The following PSTPIP2 variants were observed in gnomAD, a reference collection of about 807,000 sequenced individuals.
PSTPIP2 encodes proline-serine-threonine phosphatase interacting protein 2.
PSTPIP2 carries 33 observed loss-of-function variants against 63.3 expected under a neutral mutation model. The observed-to-expected ratio is 0.52, with a 90% CI of 0.40 to 0.70. The LOEUF is 0.70. Ranked by LOEUF, PSTPIP2 falls within the 30% of genes least tolerant of loss-of-function variation. PSTPIP2 has a pLI of 0.00. For synonymous variants in PSTPIP2, 125 were observed against 132.7 expected, an observed-to-expected ratio of 0.94 and a Z score of 0.40; for missense variants, 312 against 400.7, an observed-to-expected ratio of 0.78 and a Z score of 1.89.
chr18:46,066,757 C>T lies in PSTPIP2; in HGVS notation c.33+5399G>A, dbSNP rs139231463. Among the ~76,000 whole-genome samples, 511 of 152,334 alleles carry T rather than the reference C, an allele frequency of 3.4e-3. 4 individuals carry two copies. The highest frequency in any genetic ancestry group is 0.012 in the African/African-American group (484 of 41,574). ...TTAAAAGGGTGGAACAGGCCGGGTG[C>T]GGTGGCTCACGCCTGTAATCCCAGC... On this transcript the variant is annotated intron_variant, in intron 1 of 14. Coordinates refer to ENST00000409746, the MANE Select transcript of PSTPIP2 (RefSeq NM_024430.4).
At chr18:45,998,945 G>T in intron 7 of PSTPIP2, 106 bp from the exon 8 acceptor site, 1 of 1,199,650 alleles carries the variant, frequency 8.3e-7, no homozygotes, top group Non-Finnish European at 1.2e-6. Context: ...AAGAGACCAG[G>T]TCTAGTGCAA....
chr18:46,049,052 GTGT>G (rs750549588), intron 1 of PSTPIP2, among the ~76,000 whole-genome samples: 3 of 139,498 alleles, frequency 2.2e-5, no homozygotes, highest in Non-Finnish European at 4.6e-5. Context: ...GTGTGTGTGT[GTGT>G]GGAGAGAGAG....
At chr18:46,014,116 A>G (rs1037963213) in intron 4 of PSTPIP2, among the ~76,000 whole-genome samples, 2 of 151,876 alleles carry the variant, frequency 1.3e-5, no homozygotes, top group African/African-American at 4.8e-5. Flanking sequence ...TCTACTTCCC[A>G]GGTTCAAGTG....
At chr18:46,003,087 G>A (rs1444833512) in intron 6 of PSTPIP2, among the ~76,000 whole-genome samples, 1 of 152,240 alleles carries the variant, frequency 6.6e-6, no homozygotes, top group Non-Finnish European at 1.5e-5. Context: ...ACTGTCATGT[G>A]AGTGTGAAAG....
intron 2 of PSTPIP2, among the ~76,000 whole-genome samples, chr18:46,033,362 G>A (rs897648034): frequency 2.0e-5 from 3 of 152,224 alleles, no homozygotes; most frequent in Non-Finnish European, 4.4e-5. Flanking sequence ...TCATACTGGA[G>A]TAGGGTGGCC....
chr18:46,059,945 T>C (rs1908930377), intron 1 of PSTPIP2, among the ~76,000 whole-genome samples: 1 of 152,146 alleles, frequency 6.6e-6, no homozygotes, highest in East Asian at 1.9e-4. Context: ...ACAGAAGAAT[T>C]GCTTGAACCG....
rs150518759 is a variant in PSTPIP2 at position 46,015,380 on chromosome 18, A to G, written c.247+523T>C. Among the ~76,000 whole-genome samples, 486 of 152,334 alleles carry G rather than the reference A, an allele frequency of 3.2e-3. 4 individuals carry two copies. The highest frequency in any genetic ancestry group is 0.011 in the African/African-American group (454 of 41,580). ...CTGGGAGAAGAAAACCAGACTGAGC[A>G]TAAGAACATACCAGGGGTTAGGTTG... On this transcript the variant is annotated intron_variant, in intron 4 of 14. Transcript: ENST00000409746.
intron 5 of PSTPIP2, among the ~76,000 whole-genome samples, chr18:46,009,620 T>C (rs1357963799): frequency 3.3e-5 from 5 of 152,114 alleles, no homozygotes; most frequent in Admixed American, 3.3e-4. Context: ...TTAAAATAAT[T>C]TGGTCTGTGT....
intron 3 of PSTPIP2, among the ~76,000 whole-genome samples, chr18:46,020,382 C>T (rs1284430697): frequency 6.6e-6 from 1 of 152,160 alleles, no homozygotes; most frequent in East Asian, 1.9e-4. Context: ...TGGCCGGGCG[C>T]GGTAGCTCAC....
At chr18:46,017,042 T>C (rs2051859657) in intron 3 of PSTPIP2, among the ~76,000 whole-genome samples, 1 of 152,236 alleles carries the variant, frequency 6.6e-6, no homozygotes, top group Non-Finnish European at 1.5e-5. Context: ...CCTGGATTAT[T>C]TTCCTTCTTT....
chr18:46,037,797 G>T (rs1479241283), intron 2 of PSTPIP2, among the ~76,000 whole-genome samples: 1 of 152,154 alleles, frequency 6.6e-6, no homozygotes, highest in African/African-American at 2.4e-5. Context: ...CTGATCTAAT[G>T]CCTGCAGATT....
Position 45,993,499 on chromosome 18 carries a change from C to T in PSTPIP2, c.741+106G>A, listed in dbSNP as rs1332641868. On this transcript the variant is annotated intron_variant, in intron 10 of 14. Coordinates refer to ENST00000409746, the MANE Select transcript of PSTPIP2 (RefSeq NM_024430.4). ...TCACTGTATGGCCTTAGGCAAGTCA[C>T]CTTACTTCACCAAGGGCAAAGTGAA... 11 of 1,055,148 alleles carry T rather than the reference C, an allele frequency of 1.0e-5. No individual in the cohort carries two copies. The Admixed American group carries it at 2.2e-4, about 21-fold the overall frequency. The allele number at this position is 1,055,148 out of a possible 1,614,324, so 65.4% of individuals were successfully genotyped here.
chr18:46,055,991 A>G (rs930794081), intron 1 of PSTPIP2, among the ~76,000 whole-genome samples: 7 of 152,194 alleles, frequency 4.6e-5, no homozygotes, highest in Admixed American at 2.6e-4. Flanking sequence ...TTTAGTAAGT[A>G]CCTAACTGAA....
At chr18:45,991,300 A>G (rs2051529329) in intron 12 of PSTPIP2, among the ~76,000 whole-genome samples, 1 of 152,190 alleles carries the variant, frequency 6.6e-6, no homozygotes, top group Non-Finnish European at 1.5e-5. Flanking sequence ...GATCCTTTAC[A>G]TGAACGGCAG....
In PSTPIP2 at chr18:45,985,254, T is replaced by C. The variant is rs1342661203; in HGVS notation, c.*205A>G. Reference sequence around the variant, plus strand: ...GAATAATTCTTCAGAATGGGGCAATTTGTAAACTTCAAAAAACTGCAGAAC... The same window carrying C: ...GAATAATTCTTCAGAATGGGGCAATCTGTAAACTTCAAAAAACTGCAGAAC... On this transcript the variant is annotated 3_prime_UTR_variant, in exon 15 of 15. Coordinates refer to ENST00000409746, the MANE Select transcript of PSTPIP2 (RefSeq NM_024430.4). 1.6e-6 allele frequency: 1 copy of C among 634,818 alleles called. No homozygotes were observed. The highest frequency in any genetic ancestry group is 2.6e-6 in the Non-Finnish European group (1 of 380,260). The allele number at this position is 634,818 out of a possible 1,614,324, so 39.3% of individuals were successfully genotyped here.
chr18:45,993,261 A>G (rs1346811708), intron 10 of PSTPIP2, among the ~76,000 whole-genome samples: 1 of 146,810 alleles, frequency 6.8e-6, no homozygotes, highest in African/African-American at 2.5e-5. Flanking sequence ...TGCCCAGCTA[A>G]TTTTTGCATT....
chr18:46,062,285 T>C (rs1909018868), intron 1 of PSTPIP2, among the ~76,000 whole-genome samples: 1 of 152,052 alleles, frequency 6.6e-6, no homozygotes, highest in Non-Finnish European at 1.5e-5. Context: ...CCTGGTGCCA[T>C]TTTAGCACTC....
intron 2 of PSTPIP2, chr18:46,028,929 C>T: frequency 7.1e-7 from 1 of 1,415,686 alleles, no homozygotes; most frequent in Non-Finnish European, 1.0e-6. Flanking sequence ...TGAAGAACTG[C>T]CAGCATGGTA....
chr18:46,034,013 C>A (rs1907877599), intron 2 of PSTPIP2, among the ~76,000 whole-genome samples: 1 of 152,186 alleles, frequency 6.6e-6, no homozygotes, highest in Admixed American at 6.5e-5. Flanking sequence ...AATGGCTTGA[C>A]AACTTGACCA....
Sources: allele counts gnomAD v4.1 joint callset (sites outside exome capture counted in the v4.1 genomes callset), GRCh38; gene constraint gnomAD v4.1.1; transcripts MANE v1.5; gene names NCBI Gene and HGNC (gene_info 2026-07-23, HGNC 2026-07-21).